SCOC: variants seen among roughly 807,000 people sequenced by gnomAD.
SCOC encodes short coiled coil protein.
In SCOC, 7 loss-of-function variants were observed where a neutral mutation model predicts 9.9. The observed-to-expected ratio is 0.71, with a 90% confidence interval of 0.40 to 1.33. The LOEUF (loss-of-function observed/expected upper bound fraction) is 1.33. Among genes scored for constraint, SCOC ranks in the 40% most tolerant of loss-of-function variants. SCOC has a pLI of 0.01. For missense variants in SCOC, 66 were observed against 89.7 expected (o/e 0.74, Z 1.07); for synonymous variants, 19 against 28.2 (o/e 0.67, Z 1.03).
At chr4:140,330,095 T>G (rs1353326351) in intron 1 of SCOC, among the ~76,000 whole-genome samples, 2 of 152,208 alleles carry the variant, frequency 1.3e-5, no homozygotes, top group Non-Finnish European at 2.9e-5. Context: ...AAGTGTGGTA[T>G]ATGTATATAT....
At chr4:140,366,515 T>C (rs1727804076) in intron 2 of SCOC, 5 of 1,565,428 alleles carry the variant, frequency 3.2e-6, no homozygotes, top group South Asian at 2.2e-5. Context: ...CTGTTCCTCA[T>C]TGCCTTCATA....
At chr4:140,276,715 C>T (rs1323478485) in intron 1 of SCOC, among the ~76,000 whole-genome samples, 1 of 151,620 alleles carries the variant, frequency 6.6e-6, no homozygotes, top group East Asian at 1.9e-4. Context: ...TCTCAGCCTC[C>T]CAAAGTGCTG....
chr4:140,259,709 C>A (rs1299044352), intron 1 of SCOC, among the ~76,000 whole-genome samples: 1 of 152,074 alleles, frequency 6.6e-6, no homozygotes, highest in Non-Finnish European at 1.5e-5. Flanking sequence ...ACCATGTCTC[C>A]AAAAATTAAC....
At chr4:140,374,015 G>C (rs1450866910) in intron 1 of SCOC, 2 of 584,272 alleles carry the variant, frequency 3.4e-6, no homozygotes, top group Admixed American at 2.2e-5. Context: ...GCAGCTCCTG[G>C]GTCGGGAGCC....
chr4:140,326,595 T>C (rs1732653388), intron 1 of SCOC, among the ~76,000 whole-genome samples: 1 of 152,172 alleles, frequency 6.6e-6, no homozygotes, highest in South Asian at 2.1e-4. Flanking sequence ...TCTCCCTCTG[T>C]AGGCCCACGC....
chr4:140,293,213 A>G (rs1482041373), intron 1 of SCOC: 5 of 429,706 alleles, frequency 1.2e-5, no homozygotes, highest in African/African-American at 2.0e-5. Context: ...GAAATCTTAA[A>G]CAACTGGGCT....
intron 3 of SCOC, among the ~76,000 whole-genome samples, chr4:140,380,517 A>T (rs1309127704): frequency 2.6e-5 from 4 of 152,018 alleles, no homozygotes; most frequent in African/African-American, 9.7e-5. Flanking sequence ...CTCTTATGTG[A>T]TCATCAGGAA....
chr4:140,307,565 T>C (rs1732028468), intron 1 of SCOC, among the ~76,000 whole-genome samples: 1 of 152,192 alleles, frequency 6.6e-6, no homozygotes, highest in Non-Finnish European at 1.5e-5. Context: ...CAGCTTCCCT[T>C]TCCTTACAAA....
intron 1 of SCOC, among the ~76,000 whole-genome samples, chr4:140,300,416 G>A (rs1731779976): frequency 6.6e-6 from 1 of 152,162 alleles, no homozygotes; most frequent in African/African-American, 2.4e-5. Context: ...GGCAATAGCA[G>A]TCACAGCTAG....
chr4:140,314,846 A>G (rs567370358), intron 1 of SCOC, among the ~76,000 whole-genome samples: 1 of 151,514 alleles, frequency 6.6e-6, no homozygotes, highest in East Asian at 2.0e-4. Flanking sequence ...GAGCCCGAAC[A>G]GCTGTGAACT....
chr4:140,360,719 C>G (rs879418659), intron 2 of SCOC: 1 of 152,224 alleles, frequency 6.6e-6, no homozygotes, highest in South Asian at 2.1e-4. Context: ...GTCTGTGGAC[C>G]TGCCTTCAGG....
intron 1 of SCOC, among the ~76,000 whole-genome samples, chr4:140,272,594 G>C (rs1730870681): frequency 6.6e-6 from 1 of 152,152 alleles, no homozygotes; most frequent in African/African-American, 2.4e-5. Flanking sequence ...TGTCTATTTT[G>C]TTCACTGGTA....
chr4:140,303,435 T>G (rs1560691788), intron 1 of SCOC, among the ~76,000 whole-genome samples: 3 of 152,188 alleles, frequency 2.0e-5, no homozygotes, highest in Non-Finnish European at 4.4e-5. Context: ...CTGCCAACCT[T>G]GCTTGGTTAT....
chr4:140,286,619 G>T (rs968273286), intron 1 of SCOC, among the ~76,000 whole-genome samples: 1 of 152,234 alleles, frequency 6.6e-6, no homozygotes, highest in African/African-American at 2.4e-5. Flanking sequence ...AGACTGGGCG[G>T]CATGTGCAGC....
At chr4:140,273,902 A>G (rs2126405902) in intron 1 of SCOC, among the ~76,000 whole-genome samples, 1 of 152,362 alleles carries the variant, frequency 6.6e-6, no homozygotes, top group East Asian at 1.9e-4. Context: ...TATTCAGATT[A>G]TAATTACTTT....
At chr4:140,380,797 G>A (rs745562646) in intron 3 of SCOC, among the ~76,000 whole-genome samples, 165 bp from the exon 4 acceptor site, 2 of 152,124 alleles carry the variant, frequency 1.3e-5, no homozygotes, top group Non-Finnish European at 2.9e-5. Flanking sequence ...TTAGGAATTT[G>A]TCTACTAATT....
chr4:140,315,664 G>T (rs753157802), intron 1 of SCOC, among the ~76,000 whole-genome samples: 1 of 152,194 alleles, frequency 6.6e-6, no homozygotes, highest in Non-Finnish European at 1.5e-5. Flanking sequence ...GCACTGTCTA[G>T]TGGAACCAGG....
chr4:140,329,411 A>G (rs1732742869), intron 1 of SCOC, among the ~76,000 whole-genome samples: 3 of 152,172 alleles, frequency 2.0e-5, no homozygotes. Flanking sequence ...ATGACCAAGA[A>G]CCCAAAAGCA....
At chr4:140,376,631 C>G (rs980463172) in intron 1 of SCOC, 3 of 152,230 alleles carry the variant, frequency 2.0e-5, no homozygotes, top group African/African-American at 7.2e-5. Flanking sequence ...AATAAGCCCT[C>G]TCCACCCTGT....
Sources: allele counts gnomAD v4.1 joint callset (sites outside exome capture counted in the v4.1 genomes callset), GRCh38; gene constraint gnomAD v4.1.1; transcripts MANE v1.5; gene names NCBI Gene and HGNC (gene_info 2026-07-23, HGNC 2026-07-21).